Variants in LAMA2 observed in about 807,000 individuals in gnomAD.
LAMA2 encodes the protein laminin subunit alpha 2.
In LAMA2, 269 loss-of-function variants were observed where a neutral mutation model predicts 364.8. The ratio of observed to expected loss-of-function variants is 0.74; its 90% CI spans 0.67 to 0.82. LAMA2 has a LOEUF of 0.82. LAMA2 is among the 40% of genes least tolerant of loss of function. The pLI, the probability that LAMA2 is intolerant of heterozygous loss-of-function variation, is 0.00. For missense variants in LAMA2, 3,807 were observed against 3,873.2 expected (o/e 0.98, Z 0.45); for synonymous variants, 1,379 against 1,370.6 (o/e 1.01, Z -0.14).
chr6:129,020,102 G>GAAAAAAAAAAAAAA (rs57907508), intron 1 of LAMA2, among the ~76,000 whole-genome samples: 1 of 134,216 alleles, frequency 7.5e-6, no homozygotes, highest in African/African-American at 2.9e-5. Context: ...GAAAAAAAAA[G>GAAAAAAAAAAAAAA]AAAAAAAAAA....
rs541865041 is a variant in LAMA2 at position 129,054,458 on chromosome 6, A to G, written c.283+4370A>G. On this transcript the variant is annotated intron_variant, in intron 2 of 64. Coordinates refer to ENST00000421865, the MANE Select transcript of LAMA2 (RefSeq NM_000426.4). ...GGTTCAGGGACTGGTGGCCTTGAAAATTTCATAGAGAATGTGAGAAAGCCC... is the reference window on the plus strand; with the variant it reads ...GGTTCAGGGACTGGTGGCCTTGAAAGTTTCATAGAGAATGTGAGAAAGCCC... Among the ~76,000 whole-genome samples, 5 of 152,198 alleles carry G rather than the reference A, an allele frequency of 3.3e-5. No homozygotes were observed. In the South Asian group the frequency reaches 1.0e-3, roughly 32 times the overall value.
At chr6:129,395,623 C>T (rs1779571947) in intron 37 of LAMA2, among the ~76,000 whole-genome samples, 1 of 152,202 alleles carries the variant, frequency 6.6e-6, no homozygotes, top group African/African-American at 2.4e-5. Context: ...TCTCTGATTA[C>T]TTCAAGTAAC....
chr6:129,502,901 T>C (rs1785763461), intron 59 of LAMA2, 130 bp downstream of exon 59: 1 of 857,170 alleles, frequency 1.2e-6, no homozygotes, highest in Middle Eastern at 2.5e-4. Flanking sequence ...CTGAGTACAA[T>C]AGAGAATAGA....
intron 22 of LAMA2, among the ~76,000 whole-genome samples, chr6:129,306,245 C>A (rs2114476432): frequency 6.6e-6 from 1 of 150,472 alleles, no homozygotes; most frequent in African/African-American, 2.4e-5. Flanking sequence ...TTTCTTCTTC[C>A]ATTAACTACT....
chr6:128,911,146 G>A (rs1777903552), intron 1 of LAMA2, among the ~76,000 whole-genome samples: 6 of 151,674 alleles, frequency 4.0e-5, no homozygotes, highest in South Asian at 2.1e-4. Flanking sequence ...AGGCCTCCTT[G>A]AGCTGTGGTG....
chr6:129,484,112 C>T (rs563489751), intron 55 of LAMA2, among the ~76,000 whole-genome samples: 10 of 152,286 alleles, frequency 6.6e-5, no homozygotes, highest in African/African-American at 1.9e-4. Flanking sequence ...TAAAATTAAA[C>T]TCTTTGGTCA....
chr6:129,312,488 A>G (rs1278149545), intron 22 of LAMA2, among the ~76,000 whole-genome samples: 1 of 152,194 alleles, frequency 6.6e-6, no homozygotes, highest in African/African-American at 2.4e-5. Flanking sequence ...CTCCAAATAA[A>G]TGTTTAAATG....
intron 12 of LAMA2, among the ~76,000 whole-genome samples, chr6:129,219,144 G>T (rs1043051851): frequency 6.6e-6 from 1 of 152,094 alleles, no homozygotes; most frequent in Non-Finnish European, 1.5e-5. Flanking sequence ...CCATAGGAGT[G>T]TACATATTTT....
At chr6:129,206,078 A>AGG (rs1491412596) in intron 12 of LAMA2, among the ~76,000 whole-genome samples, 67 of 122,248 alleles carry the variant, frequency 5.5e-4, no homozygotes, top group Non-Finnish European at 6.1e-4. Flanking sequence ...AAAGGAAAGG[A>AGG]AAGGAGGAAG....
chr6:129,185,241 T>G (rs1781159028), intron 10 of LAMA2, among the ~76,000 whole-genome samples: 1 of 151,926 alleles, frequency 6.6e-6, no homozygotes, highest in African/African-American at 2.4e-5. Flanking sequence ...TATAAAGCAG[T>G]AGCTTCTATG....
At chr6:129,446,802 A>G (rs1215593986) in intron 45 of LAMA2, among the ~76,000 whole-genome samples, 4 of 152,148 alleles carry the variant, frequency 2.6e-5, no homozygotes, top group Non-Finnish European at 5.9e-5. Context: ...TTTCCTCCTT[A>G]TTCACATCTA....
chr6:129,130,752 A>C (rs187255526), intron 4 of LAMA2, among the ~76,000 whole-genome samples: 2 of 152,344 alleles, frequency 1.3e-5, no homozygotes, highest in African/African-American at 4.8e-5. Flanking sequence ...TAATCATGAC[A>C]TCAAATAAGC....
intron 58 of LAMA2, among the ~76,000 whole-genome samples, chr6:129,497,892 T>A (rs185482467): frequency 9.2e-4 from 140 of 152,376 alleles, no homozygotes; most frequent in African/African-American, 3.2e-3. Flanking sequence ...GTCTTCTCTT[T>A]ATACTTCTCT....
chr6:129,186,137 TAACAGTTAA>T (rs1162433791), intron 10 of LAMA2, among the ~76,000 whole-genome samples: 2 of 151,722 alleles, frequency 1.3e-5, no homozygotes, highest in African/African-American at 2.4e-5. Context: ...TTGTTTAGAT[TAACAGTTAA>T]AACAACTTTA....
At chr6:129,421,122 A>G (rs369264318) in intron 40 of LAMA2, among the ~76,000 whole-genome samples, 7 of 152,306 alleles carry the variant, frequency 4.6e-5, no homozygotes, top group African/African-American at 1.7e-4. Flanking sequence ...GAAAACTAAC[A>G]TGTATTAAAA....
At chr6:129,391,719 T>C in intron 36 of LAMA2, 66 bp downstream of exon 36, 3 of 1,416,272 alleles carry the variant, frequency 2.1e-6, no homozygotes, top group Non-Finnish European at 1.0e-6. Flanking sequence ...TACAGTTTTC[T>C]AAATTTTTAT....
chr6:129,312,641 A>G (rs1774300234), intron 22 of LAMA2, among the ~76,000 whole-genome samples: 1 of 152,220 alleles, frequency 6.6e-6, no homozygotes, highest in Non-Finnish European at 1.5e-5. Flanking sequence ...ACATAGCATT[A>G]TGGTTTCTGG....
At chr6:129,300,708 C>G (rs1207258625) in intron 21 of LAMA2, 28 bp from the exon 22 acceptor site, 1 of 1,612,614 alleles carries the variant, frequency 6.2e-7, no homozygotes, top group African/African-American at 1.3e-5. Context: ...TTTTCCCCTT[C>G]TTTGTTTTCC....
At chr6:129,432,470 C>T (rs1036552640) in intron 41 of LAMA2, among the ~76,000 whole-genome samples, 1 of 152,122 alleles carries the variant, frequency 6.6e-6, no homozygotes, top group African/African-American at 2.4e-5. Context: ...GAGACAAAGG[C>T]CTGTGCAATA....
Sources: gnomAD v4.1 joint callset for allele counts (sites outside exome capture counted in the v4.1 genomes callset) on GRCh38, gnomAD v4.1.1 for gene constraint, MANE v1.5 for transcripts, NCBI Gene and HGNC (gene_info 2026-07-23, HGNC 2026-07-21) for gene names.